Variants in TNNI3K observed in about 807,000 individuals in gnomAD.
TNNI3K encodes the protein serine/threonine-protein kinase TNNI3K.
In TNNI3K, 140 loss-of-function variants were observed where a neutral mutation model predicts 114.5. The observed-to-expected ratio is 1.22, with a 90% CI of 1.07 to 1.41. TNNI3K has a LOEUF of 1.41. Ranked by LOEUF, TNNI3K falls within the 40% of genes most tolerant of loss-of-function variation. The pLI is 0.00. For missense variants in TNNI3K, 1,125 were observed against 1,007.6 expected, an observed-to-expected ratio of 1.12 and a Z score of -1.58; for synonymous variants, 347 against 347.5, an observed-to-expected ratio of 1.00 and a Z score of 0.02.
chr1:74,493,225 G>A (rs1406847496), intron 23 of TNNI3K, among the ~76,000 whole-genome samples: 2 of 152,144 alleles, frequency 1.3e-5, no homozygotes, highest in Non-Finnish European at 2.9e-5. Flanking sequence ...GAAATTGGGA[G>A]TAAATGCTTA....
At chr1:74,480,579 T>C (rs1348552553) in intron 21 of TNNI3K, 8 of 717,200 alleles carry the variant, frequency 1.1e-5, no homozygotes, top group Non-Finnish European at 2.1e-5. Context: ...TCCAGATACC[T>C]GAGACTGTGG....
At chr1:74,524,451 T>G (rs1173750279) in intron 23 of TNNI3K, among the ~76,000 whole-genome samples, 1 of 152,174 alleles carries the variant, frequency 6.6e-6, no homozygotes, top group South Asian at 2.1e-4. Context: ...TAGGGCCAAC[T>G]GGTGACTAAC....
intron 17 of TNNI3K, among the ~76,000 whole-genome samples, chr1:74,400,387 A>G (rs578177336): frequency 1.5e-4 from 23 of 152,362 alleles, no homozygotes; most frequent in Non-Finnish European, 1.8e-4. Context: ...TAGACTGGAT[A>G]TGGGGATGTA....
intron 23 of TNNI3K, among the ~76,000 whole-genome samples, chr1:74,536,949 A>C (rs2100456527): frequency 6.6e-6 from 1 of 152,298 alleles, no homozygotes; most frequent in Middle Eastern, 3.4e-3. Context: ...GTCTGGATGC[A>C]CATGGGTGGA....
intron 9 of TNNI3K, among the ~76,000 whole-genome samples, chr1:74,352,975 C>T (rs1288182649): frequency 6.6e-6 from 1 of 152,152 alleles, no homozygotes; most frequent in East Asian, 1.9e-4. Context: ...ACCCACTGTC[C>T]CGCACTCCCC....
chr1:74,242,845 C>G (rs1006577226), intron 2 of TNNI3K, among the ~76,000 whole-genome samples: 3 of 151,954 alleles, frequency 2.0e-5, no homozygotes, highest in Non-Finnish European at 2.9e-5. Context: ...ACCTCAATCT[C>G]TCTCTGCCTC....
At position 74,531,959 on chromosome 1, in the gene TNNI3K, G is replaced by A. The variant is rs982178090; in HGVS notation, c.2352-8275G>A. On this transcript the variant is annotated intron_variant, in intron 23 of 24. Transcript: ENST00000326637. ...AATCCAAATGGCTAAATCATCCAGA[G>A]TACAGGTAGCCTGAGGGCATTGTTA... Among the ~76,000 whole-genome samples the A allele has an allele frequency of 2.6e-5, 4 of 152,294 alleles. 1 individual carries two copies. The South Asian group carries it at 6.2e-4, about 24-fold the overall frequency.
At chr1:74,383,533 C>T (rs1034539050) in intron 17 of TNNI3K, among the ~76,000 whole-genome samples, 1 of 152,064 alleles carries the variant, frequency 6.6e-6, no homozygotes, top group South Asian at 2.1e-4. Flanking sequence ...CCCTCCTACA[C>T]GTTCCCACAG....
At chr1:74,518,887 T>C (rs1646389557) in intron 23 of TNNI3K, among the ~76,000 whole-genome samples, 1 of 119,228 alleles carries the variant, frequency 8.4e-6, no homozygotes, top group Non-Finnish European at 1.6e-5. Context: ...TTTTTTTTTT[T>C]TTTTTTTATT....
chr1:74,543,916 C>T lies in TNNI3K; in HGVS notation c.2442C>T (p.Ser814=), dbSNP rs199808157. The change falls in exon 25 of 25, where the codon TCC becomes TCT. Residue 814 remains serine, a synonymous_variant. Transcript: ENST00000326637. ...TCTTTTCTGATGCAGGCTATGTATC[C>T]GATCCCATGAGCTCAATGCATTTTC... ...YTPIDKYGYV[S]DPMSSMHFHS... The T allele has an allele frequency of 1.1e-5, 18 of 1,613,208 alleles. No individual in the cohort carries two copies. The highest frequency in any genetic ancestry group is 1.6e-4 in the Middle Eastern group (1 of 6,078).
chr1:74,407,532 A>G (rs1664675151), intron 17 of TNNI3K, among the ~76,000 whole-genome samples: 1 of 152,116 alleles, frequency 6.6e-6, no homozygotes, highest in African/African-American at 2.4e-5. Flanking sequence ...ATTTTGTTGT[A>G]TTGTTTTTCT....
intron 2 of TNNI3K, among the ~76,000 whole-genome samples, chr1:74,237,702 T>C (rs1161725124): frequency 6.6e-6 from 1 of 152,010 alleles, no homozygotes; most frequent in Admixed American, 6.6e-5. Flanking sequence ...ATGCAACAAA[T>C]GTGACCTTCT....
intron 5 of TNNI3K, among the ~76,000 whole-genome samples, chr1:74,290,721 C>G (rs1657627190): frequency 1.3e-5 from 2 of 151,690 alleles, no homozygotes; most frequent in Admixed American, 6.6e-5. Flanking sequence ...TTTAGTTTTT[C>G]TTATTACTAG....
At chr1:74,302,228 G>A (rs533492039) in intron 5 of TNNI3K, among the ~76,000 whole-genome samples, 4 of 152,244 alleles carry the variant, frequency 2.6e-5, no homozygotes, top group South Asian at 2.1e-4. Flanking sequence ...CAGACAAAAC[G>A]GTGAACTTAA....
chr1:74,381,346 C>G (rs1052361634), intron 17 of TNNI3K, among the ~76,000 whole-genome samples: 1 of 152,090 alleles, frequency 6.6e-6, no homozygotes, highest in African/African-American at 2.4e-5. Flanking sequence ...TATTTAAATG[C>G]CTACCTTATT....
chr1:74,513,956 T>C (rs1378216613), intron 23 of TNNI3K, among the ~76,000 whole-genome samples: 2 of 152,170 alleles, frequency 1.3e-5, no homozygotes, highest in African/African-American at 2.4e-5. Context: ...GAGTAAATAA[T>C]CTTCCAAAAA....
At chr1:74,236,277 A>G in intron 2 of TNNI3K, 67 bp downstream of exon 2, 2 of 1,402,122 alleles carry the variant, frequency 1.4e-6, no homozygotes, top group South Asian at 1.3e-5. Flanking sequence ...TTTTTAAAGT[A>G]TCTGTATATT....
chr1:74,352,576 C>G (rs1054695802), intron 9 of TNNI3K, among the ~76,000 whole-genome samples: 2 of 152,218 alleles, frequency 1.3e-5, no homozygotes, highest in Non-Finnish European at 2.9e-5. Context: ...GTGGAGCCTA[C>G]AGAGGCAGGC....
In TNNI3K at chr1:74,480,091, C is replaced by G. The variant is rs41289202; in HGVS notation, c.2122-9098C>G. ...AGTGTCTGAGATAAGCATCACTTAG[C>G]ATGCTGCAAAAATATGGACAAGAGA... On this transcript the variant is annotated intron_variant, in intron 21 of 24. Transcript: ENST00000326637. The G allele has an allele frequency of 5.7e-4, 374 of 654,644 alleles. 1 individual carries two copies. The highest frequency in any genetic ancestry group is 7.0e-4 in the Non-Finnish European group (251 of 357,004). 40.6% of individuals were successfully genotyped at this position (654,644 alleles called of 1,614,324 possible).
Sources: gnomAD v4.1 joint callset for allele counts (sites outside exome capture counted in the v4.1 genomes callset) on GRCh38, gnomAD v4.1.1 for gene constraint, MANE v1.5 for transcripts, NCBI Gene and HGNC (gene_info 2026-07-23, HGNC 2026-07-21) for gene names.